Variants in ESS2 observed in about 807,000 individuals in gnomAD.
ESS2 encodes splicing factor ESS-2 homolog.
A neutral mutation model predicts 52.0 loss-of-function variants in ESS2; 31 were observed. The ratio of observed to expected loss-of-function variants is 0.60; its 90% confidence interval spans 0.45 to 0.81. The LOEUF is 0.81. Ranked by LOEUF, ESS2 falls within the 30% of genes least tolerant of loss-of-function variation. The probability of loss-of-function intolerance (pLI) is 0.00; values close to 1 mark genes in which losing one functional copy is unlikely to be tolerated. For synonymous variants in ESS2, 285 were observed against 259.2 expected, an observed-to-expected ratio of 1.10 and a Z score of -0.95; for missense variants, 602 against 637.2, an observed-to-expected ratio of 0.94 and a Z score of 0.59.
intron 1 of ESS2, chr22:19,143,967 C>G (rs1277297755): frequency 1.1e-6 from 1 of 905,938 alleles, no homozygotes; most frequent in African/African-American, 1.8e-5. Context: ...TCCCGAGCTG[C>G]ATATCTGGGC....
chr22:19,137,312 C>G lies in ESS2; in HGVS notation c.1035+11G>C. The G allele has an allele frequency of 1.2e-6, 2 of 1,605,296 alleles. No homozygotes were observed. Among genetic ancestry groups the G allele is most frequent in the Non-Finnish European group, 1.7e-6 (2 of 1,174,402 alleles). On this transcript the variant is annotated intron_variant, in intron 8 of 9. Coordinates refer to ENST00000252137, the MANE Select transcript of ESS2 (RefSeq NM_022719.3). Reference sequence around the variant, plus strand: ...CCGGTCGCACACAGTTCCCCCATCACCACAACCCACCTTAAAAGCTGGGCC... The same window carrying G: ...CCGGTCGCACACAGTTCCCCCATCAGCACAACCCACCTTAAAAGCTGGGCC...
rs762936596 is a variant in ESS2 at position 19,139,903 on chromosome 22, G to A, written c.522C>T (p.Ser174=). 92 of 1,614,036 alleles carry A rather than the reference G, an allele frequency of 5.7e-5. No homozygotes were observed. Among genetic ancestry groups the A allele is most frequent in the Non-Finnish European group, 7.8e-5 (92 of 1,180,032 alleles). ...GGTAGAGCCAAGCGTGGCGTGCCCG[G>A]CTTCTCTCCTTGGCCACCTCCATGA... is the stretch of plus-strand genomic sequence containing the variant. ...QEIMEVAKER[S]RARHAWLYQA... The change falls in exon 4 of 10, where the codon AGC becomes AGT. Residue 174 remains serine, a synonymous_variant. Transcript: ENST00000252137.
At chr22:19,137,929 T>C (rs901621435) in intron 7 of ESS2, 1 of 985,320 alleles carries the variant, frequency 1.0e-6, no homozygotes, top group Non-Finnish European at 1.2e-6. Flanking sequence ...ATAAGCACTG[T>C]GCACACACCC....
At chr22:19,142,417 G>C in intron 3 of ESS2, 121 bp downstream of exon 3, 1 of 874,630 alleles carries the variant, frequency 1.1e-6, no homozygotes. Flanking sequence ...TGCTATTTAC[G>C]CAAGACCCCT....
In ESS2 at chr22:19,136,031, TAAAAAAA is replaced by T. The variant is rs377121962; in HGVS notation, c.1036-863_1036-857del. ...GGCAACAGAGTGAAACCCTATCTGT[TAAAAAAA>T]AAAAAAAAAAAAAAAAAGAGGCGAG... On this transcript the variant is annotated intron_variant, in intron 8 of 9. Transcript: ENST00000252137. Among the ~76,000 whole-genome samples the T allele has an allele frequency of 4.2e-3, 388 of 92,534 alleles. 2 individuals carry two copies. Among genetic ancestry groups the T allele is most frequent in the African/African-American group, 0.014 (319 of 22,848 alleles). 60.7% of individuals were successfully genotyped at this position (92,534 alleles called of 152,430 possible).
rs773519047 is a variant in ESS2, at chr22:19,142,897, G to A, written c.136-3C>T. 2.4e-5 allele frequency: 38 copies of A among 1,611,162 alleles called. No individual in the cohort carries two copies. Among genetic ancestry groups the A allele is most frequent in the Non-Finnish European group, 3.1e-5 (37 of 1,178,748 alleles). On this transcript the variant is annotated splice_region_variant and splice_polypyrimidine_tract_variant and intron_variant, in intron 1 of 9. Transcript: ENST00000252137. ...CTTTGGATGACCGTCTGGAGGCCCT[G>A]CAAGGAGAGATCAGAATGAAAGTCA...
rs530733400 is a variant in ESS2 at position 19,134,166 on chromosome 22, A to G, written c.*30T>C. The G allele has an allele frequency of 6.3e-5, 93 of 1,477,466 alleles. No individual in the cohort carries two copies. Among genetic ancestry groups the G allele is most frequent in the Non-Finnish European group, 7.7e-5 (86 of 1,113,770 alleles). 91.5% of individuals were successfully genotyped at this position (1,477,466 alleles called of 1,614,324 possible). A position where few individuals can be genotyped will look rare whatever the true frequency, so the allele number is the denominator to read the frequency against. ...TACAGCTGCCCTGCAGGCTCTGTGA[A>G]GCGTCTATGAGCCCAGCCCAGGCCT... On this transcript the variant is annotated 3_prime_UTR_variant, in exon 10 of 10. Coordinates refer to ENST00000252137, the MANE Select transcript of ESS2 (RefSeq NM_022719.3).
In ESS2 at chr22:19,139,278, C is replaced by A. The variant is rs2083640986; in HGVS notation, c.703G>T (p.Glu235Ter). ...MYYPEGVPDE[E>*]QLFKKPRQVV... ...TGCCGGGGCTTCTTAAACAGCTGCT[C>A]CTCGTCAGGGACACCTGGCAGACGA... Residue 235 changes from glutamate (E) to a stop codon, truncating the protein, a stop_gained, in exon 6 of 10, where the codon GAG becomes TAG. Transcript: ENST00000252137. LOFTEE classifies it high-confidence loss of function. 6.3e-7 allele frequency: 1 copy of A among 1,598,746 alleles called. No homozygotes were observed. Among genetic ancestry groups the A allele is most frequent in the African/African-American group, 1.3e-5 (1 of 74,542 alleles).
In ESS2 at chr22:19,130,612, A is replaced by C; in HGVS notation, c.*3584T>G. The C allele has an allele frequency of 2.6e-6, 1 of 379,812 alleles. No individual in the cohort carries two copies. Among genetic ancestry groups the C allele is most frequent in the South Asian group, 2.2e-5 (1 of 46,078 alleles). The allele number at this position is 379,812 out of a possible 1,614,324, so 23.5% of individuals were successfully genotyped here. A position where few individuals can be genotyped will look rare whatever the true frequency, so the allele number is the denominator to read the frequency against. On this transcript the variant is annotated 3_prime_UTR_variant, in exon 10 of 10. Coordinates refer to ENST00000252137, the MANE Select transcript of ESS2 (RefSeq NM_022719.3). ...CTTAGACTATCCAATTGATCTATTC[A>C]AACAGCTGCCTGTTCCCTTAACTTG...
rs754841350 is a variant in ESS2 at position 19,132,248 on chromosome 22, C to T, written c.*1948G>A. ...CCAAGCCCAAAGCCACGTCTTCTGC[C>T]TCCTTCAAGAGGGAGGGGGAGGGCA... On this transcript the variant is annotated 3_prime_UTR_variant, in exon 10 of 10. Coordinates refer to ENST00000252137, the MANE Select transcript of ESS2 (RefSeq NM_022719.3). The surrounding 1 kb of genome is among the most constrained non-coding windows in gnomAD (Gnocchi z 4.2). The T allele has an allele frequency of 3.3e-5, 54 of 1,611,986 alleles. No homozygotes were observed. Among genetic ancestry groups the T allele is most frequent in the Non-Finnish European group, 4.1e-5 (48 of 1,178,598 alleles).
rs1268613622 is a variant in ESS2 at position 19,132,470 on chromosome 22, C to T, written c.*1726G>A. 6.2e-7 allele frequency: 1 copy of T among 1,607,540 alleles called. No homozygotes were observed. The highest frequency in any genetic ancestry group is 1.3e-5 in the African/African-American group (1 of 74,930). ...CCGGAGCTGAGGTGGGGAAAGCAAG[C>T]ACCTAGCATGACAATGGCCCCGTTG... On this transcript the variant is annotated 3_prime_UTR_variant, in exon 10 of 10. Coordinates refer to ENST00000252137, the MANE Select transcript of ESS2 (RefSeq NM_022719.3). The surrounding 1 kb of genome is among the most constrained non-coding windows in gnomAD (Gnocchi z 4.2).
chr22:19,131,144 C>T lies in ESS2; in HGVS notation c.*3052G>A. ...TTCCAGCGGGCGGGGAGTGGGTGCT[C>T]CTGCCAGACCAGCCTGGCTTCCACG... On this transcript the variant is annotated 3_prime_UTR_variant, in exon 10 of 10. Coordinates refer to ENST00000252137, the MANE Select transcript of ESS2 (RefSeq NM_022719.3). The surrounding 1 kb of genome is among the most constrained non-coding windows in gnomAD (Gnocchi z 5.7). The T allele has an allele frequency of 2.2e-6, 1 of 456,260 alleles. No homozygotes were observed. The highest frequency in any genetic ancestry group is 3.4e-5 in the South Asian group (1 of 29,258). The allele number at this position is 456,260 out of a possible 1,614,324, so 28.3% of individuals were successfully genotyped here. A position where few individuals can be genotyped will look rare whatever the true frequency, so the allele number is the denominator to read the frequency against.
chr22:19,144,549 G>A lies in ESS2; in HGVS notation c.92C>T (p.Ala31Val), dbSNP rs113904207. 0.011 allele frequency: 18,091 copies of A among 1,608,278 alleles called. 157 individuals carry two copies. Among genetic ancestry groups the A allele is most frequent in the Middle Eastern group, 0.017 (105 of 6,044 alleles). ...RKREAGEAGA[A>V]TSKQRVLDEE... is the part of the protein sequence containing the mutation. ...GTCCAGGACCCGCTGCTTGCTCGTC[G>A]CAGCCCCAGCCTCTCCCGCCTCGCG... Residue 31 changes from alanine to valine, a missense_variant, in exon 1 of 10, where the codon GCG becomes GTG. Transcript: ENST00000252137.
chr22:19,142,690 G>A lies in ESS2; in HGVS notation c.304+36C>T, dbSNP rs200947653. The stretch of plus-strand genomic sequence containing the variant: ...TGAGCCTGAAGCGACAGTTCAGCAG[G>A]CTTTCCCCTCTCCGCCACCCACAGG... On this transcript the variant is annotated intron_variant, in intron 2 of 9. Coordinates refer to ENST00000252137, the MANE Select transcript of ESS2 (RefSeq NM_022719.3). 1.5e-5 allele frequency: 24 copies of A among 1,610,308 alleles called. No individual in the cohort carries two copies. In the African/African-American group the frequency reaches 2.9e-4, roughly 20 times the overall value.
chr22:19,144,287 AAGAG>A, intron 1 of ESS2: 8 of 1,325,068 alleles, frequency 6.0e-6, no homozygotes, highest in Non-Finnish European at 7.7e-6. Flanking sequence ...GTCCCATACA[AAGAG>A]AGCCGCTCTC....
At chr22:19,144,358 C>G in intron 1 of ESS2, 148 bp downstream of exon 1, 1 of 1,490,742 alleles carries the variant, frequency 6.7e-7, no homozygotes, top group Non-Finnish European at 8.9e-7. Context: ...TTCCTCTGCC[C>G]TGTTTACTTG....
At chr22:19,135,720 C>G (rs2083569822) in intron 8 of ESS2, among the ~76,000 whole-genome samples, 1 of 152,122 alleles carries the variant, frequency 6.6e-6, no homozygotes, top group Admixed American at 6.6e-5. Context: ...TTTAGAAAGT[C>G]CCTCCTAACT....
At chr22:19,143,653 C>G (rs1423507417) in intron 1 of ESS2, among the ~76,000 whole-genome samples, 1 of 152,062 alleles carries the variant, frequency 6.6e-6, no homozygotes, top group Non-Finnish European at 1.5e-5. Context: ...GTCAGGAGTT[C>G]GAGACCAGCC....
At chr22:19,139,582 C>A in intron 5 of ESS2, 30 bp downstream of exon 5, 1 of 1,591,718 alleles carries the variant, frequency 6.3e-7, no homozygotes, top group Non-Finnish European at 8.6e-7. Flanking sequence ...CCCAACACCT[C>A]CCCATTTGGC....
Sources: gnomAD v4.1 joint callset for allele counts (sites outside exome capture counted in the v4.1 genomes callset) on GRCh38, gnomAD v4.1.1 for gene constraint, Gnocchi (gnomAD v3.1) non-coding constraint, MANE v1.5 for transcripts, NCBI Gene and HGNC (gene_info 2026-07-23, HGNC 2026-07-21) for gene names.